Variants in TMPRSS3 observed in about 807,000 individuals in gnomAD.
The protein encoded by TMPRSS3 is transmembrane serine protease 3.
TMPRSS3 carries 55 observed loss-of-function variants against 59.6 expected under a neutral mutation model. That is an observed-to-expected ratio of 0.92 (90% CI 0.74 to 1.16). TMPRSS3 has a LOEUF of 1.16. Ranked by LOEUF, TMPRSS3 falls within the 50% of genes most tolerant of loss-of-function variation. The probability of loss-of-function intolerance (pLI) is 0.00; values close to 1 mark genes in which losing one functional copy is unlikely to be tolerated. For missense variants in TMPRSS3, 596 were observed against 579.4 expected (o/e 1.03, Z -0.29); for synonymous variants, 257 against 237.7 (o/e 1.08, Z -0.75).
In TMPRSS3 at chr21:42,388,506, C is replaced by CAT; in HGVS notation, c.341_342dup (p.Ala115MetfsTer38). ...GCAGCTGTGAACACCTGGAGCACGG[C>CAT]ATTCTGACCACCCACCCGGACTGGC... On this transcript the variant is annotated frameshift_variant, in exon 5 of 13. Transcript: ENST00000644384. LOFTEE classifies it high-confidence loss of function. This position sits in a 1 kb window ranked among gnomAD's most constrained non-coding sequence, Gnocchi z 5.1. 1 of 1,614,210 alleles carries CAT rather than the reference C, an allele frequency of 6.2e-7. No homozygotes were observed. Among genetic ancestry groups the CAT allele is most frequent in the Non-Finnish European group, 8.5e-7 (1 of 1,180,048 alleles).
chr21:42,388,793 C>T lies in TMPRSS3; in HGVS notation c.322+136G>A. On this transcript the variant is annotated intron_variant, in intron 4 of 12. Transcript: ENST00000644384. This position sits in a 1 kb window ranked among gnomAD's most constrained non-coding sequence, Gnocchi z 5.1. ...CCCCCCAGCCCAACATGTCTTTGGG[C>T]AAACGCCAGTTCAATCCCAGCTGAA... The T allele has an allele frequency of 6.2e-6, 6 of 968,138 alleles. No homozygotes were observed. In the South Asian group the frequency reaches 8.0e-5, roughly 13 times the overall value. 60.0% of individuals were successfully genotyped at this position (968,138 alleles called of 1,614,324 possible). A position where few individuals can be genotyped will look rare whatever the true frequency, so the allele number is the denominator to read the frequency against.
At chr21:42,380,751 G>A (rs1023667438) in intron 9 of TMPRSS3, among the ~76,000 whole-genome samples, 1 of 152,250 alleles carries the variant, frequency 6.6e-6, no homozygotes, top group Non-Finnish European at 1.5e-5. Flanking sequence ...TTGCCTGTGT[G>A]TAGGGCTGGA....
chr21:42,385,957 C>G (rs2052628236), intron 5 of TMPRSS3, among the ~76,000 whole-genome samples: 1 of 152,098 alleles, frequency 6.6e-6, no homozygotes. Flanking sequence ...ACCAAGTTCT[C>G]CAAGAACAGT....
intron 10 of TMPRSS3, among the ~76,000 whole-genome samples, chr21:42,378,425 A>G (rs529157757): frequency 6.6e-6 from 1 of 152,336 alleles, no homozygotes; most frequent in Non-Finnish European, 1.5e-5. Context: ...TGCAGATGTA[A>G]TTAAGGTAAG....
chr21:42,376,615 C>G lies in TMPRSS3; in HGVS notation c.1117G>C (p.Asp373His). 1.2e-6 allele frequency: 2 copies of G among 1,614,088 alleles called. No homozygotes were observed. Among genetic ancestry groups the G allele is most frequent in the Non-Finnish European group, 1.7e-6 (2 of 1,180,042 alleles). Residue 373 changes from aspartate (D) to histidine (H), a missense_variant, in exon 11 of 13, where the codon GAC becomes CAC. Physicochemically the swap from Asp to His is moderately conservative, Grantham distance 81. Coordinates refer to ENST00000644384, the MANE Select transcript of TMPRSS3 (RefSeq NM_001256317.3). ...GGGGAGATGATGCCACCGTACACGT[C>G]CCTGTGGTTGCAGATCTTGTTGGAA... is the stretch of plus-strand genomic sequence containing the variant. Reference protein sequence around the residue: ...LISNKICNHRDVYGGIISPSM... With the variant: ...LISNKICNHRHVYGGIISPSM...
intron 8 of TMPRSS3, 143 bp downstream of exon 8, chr21:42,382,890 G>A (rs1455519091): frequency 7.0e-6 from 7 of 1,004,258 alleles, no homozygotes; most frequent in East Asian, 2.6e-5. Flanking sequence ...AGTGAGGCTG[G>A]AGACTCCTCT....
intron 10 of TMPRSS3, among the ~76,000 whole-genome samples, chr21:42,379,115 A>G (rs2052477321): frequency 6.6e-6 from 1 of 151,220 alleles, no homozygotes; most frequent in African/African-American, 2.4e-5. Context: ...AAACTCCTGA[A>G]CCTCAAATGG....
chr21:42,394,946 T>A lies in TMPRSS3; in HGVS notation c.94+378A>T, dbSNP rs78584455. Among the ~76,000 whole-genome samples, 1,335 of 152,346 alleles carry A rather than the reference T, an allele frequency of 8.8e-3. 8 individuals carry two copies. The highest frequency in any genetic ancestry group is 0.013 in the Non-Finnish European group (901 of 68,028). On this transcript the variant is annotated intron_variant, in intron 2 of 12. Coordinates refer to ENST00000644384, the MANE Select transcript of TMPRSS3 (RefSeq NM_001256317.3). Reference sequence around the variant, plus strand: ...TAGGCCTCTAATATCTTTGGCGACATCCAGTTTATCCTGAGTTTTCGGAGG... The same window carrying A: ...TAGGCCTCTAATATCTTTGGCGACAACCAGTTTATCCTGAGTTTTCGGAGG...
intron 12 of TMPRSS3, among the ~76,000 whole-genome samples, chr21:42,375,359 C>T (rs538257441): frequency 4.1e-4 from 62 of 151,056 alleles, no homozygotes; most frequent in Admixed American, 7.3e-4. Context: ...TCTCAGCCCC[C>T]CGCCCCCTCC....
chr21:42,387,063 G>A (rs1330700386), intron 5 of TMPRSS3, among the ~76,000 whole-genome samples: 1 of 149,730 alleles, frequency 6.7e-6, no homozygotes, highest in African/African-American at 2.5e-5. Flanking sequence ...TACCAAACGG[G>A]CTGGGGTGGA....
Position 42,388,280 on chromosome 21 carries a change from A to G in TMPRSS3, c.446+123T>C, listed in dbSNP as rs2052668192. 3 of 1,322,302 alleles carry G rather than the reference A, an allele frequency of 2.3e-6. No individual in the cohort carries two copies. The South Asian group carries it at 3.6e-5, about 16-fold the overall frequency. The allele number at this position is 1,322,302 out of a possible 1,614,324, so 81.9% of individuals were successfully genotyped here. A position where few individuals can be genotyped will look rare whatever the true frequency, so the allele number is the denominator to read the frequency against. On this transcript the variant is annotated intron_variant, in intron 5 of 12. Coordinates refer to ENST00000644384, the MANE Select transcript of TMPRSS3 (RefSeq NM_001256317.3). The surrounding 1 kb of genome is among the most constrained non-coding windows in gnomAD (Gnocchi z 5.1). ...GATGATATCGGGCATCCTAAGGTGG[A>G]TGTGAGGATGTAATCTGAGAGCGTT...
chr21:42,391,467 C>T (rs558644531), intron 2 of TMPRSS3, among the ~76,000 whole-genome samples: 3 of 152,146 alleles, frequency 2.0e-5, no homozygotes, highest in East Asian at 1.9e-4. Flanking sequence ...ATACAGATAG[C>T]GTCTCCCTCC....
intron 6 of TMPRSS3, 45 bp downstream of exon 6, chr21:42,385,364 G>A (rs762261353): frequency 5.2e-5 from 84 of 1,612,352 alleles, no homozygotes; most frequent in Non-Finnish European, 1.3e-5. Flanking sequence ...AATCCAGCAG[G>A]TGACTCGATA....
In TMPRSS3 at chr21:42,383,771, C is replaced by G. The variant is rs539087866; in HGVS notation, c.616+199G>C. ...GCTAATGAGTTGCTCTGGCTGTCTC[C>G]CCCACCTGACAGGTGAGGCCGACAG... On this transcript the variant is annotated intron_variant, in intron 7 of 12. Transcript: ENST00000644384. 1.8e-3 allele frequency: 1,307 copies of G among 719,760 alleles called. 4 individuals are homozygous for G. The highest frequency in any genetic ancestry group is 2.4e-3 in the Non-Finnish European group (948 of 388,584). 44.6% of individuals were successfully genotyped at this position (719,760 alleles called of 1,614,324 possible).
At chr21:42,376,471 C>T (rs889450727) in intron 11 of TMPRSS3, 70 bp downstream of exon 11, 15 of 1,602,924 alleles carry the variant, frequency 9.4e-6, no homozygotes, top group Middle Eastern at 2.1e-4. Context: ...CACAGGGAAA[C>T]GCTGGCAACG....
intron 2 of TMPRSS3, 47 bp from the exon 3 acceptor site, chr21:42,390,084 G>A: frequency 7.3e-7 from 1 of 1,373,544 alleles, no homozygotes; most frequent in Non-Finnish European, 1.0e-6. Context: ...AACCTGACTT[G>A]GAGTGCCATG....
At position 42,383,937 on chromosome 21, in the gene TMPRSS3, C is replaced by A. The variant is rs767190292; in HGVS notation, c.616+33G>T. On this transcript the variant is annotated intron_variant, in intron 7 of 12. Coordinates refer to ENST00000644384, the MANE Select transcript of TMPRSS3 (RefSeq NM_001256317.3). ...AGATAGGACTTAGCATGTGCTTGCT[C>A]CCCCTGGACCCCTGCCTTTCTGGAA... 4.0e-5 allele frequency: 65 copies of A among 1,612,730 alleles called. 1 individual carries two copies. In the East Asian group the frequency reaches 5.3e-4, roughly 13 times the overall value.
chr21:42,388,798 G>T lies in TMPRSS3; in HGVS notation c.322+131C>A. 1 of 984,828 alleles carries T rather than the reference G, an allele frequency of 1.0e-6. No homozygotes were observed. Among genetic ancestry groups the T allele is most frequent in the Non-Finnish European group, 1.6e-6 (1 of 623,564 alleles). The allele number at this position is 984,828 out of a possible 1,614,324, so 61.0% of individuals were successfully genotyped here. On this transcript the variant is annotated intron_variant, in intron 4 of 12. Transcript: ENST00000644384. The surrounding 1 kb of genome is among the most constrained non-coding windows in gnomAD (Gnocchi z 5.1). Reference sequence around the variant, plus strand: ...CAGCCCAACATGTCTTTGGGCAAACGCCAGTTCAATCCCAGCTGAAGACAT... The same window carrying T: ...CAGCCCAACATGTCTTTGGGCAAACTCCAGTTCAATCCCAGCTGAAGACAT...
intron 9 of TMPRSS3, chr21:42,381,757 G>A: frequency 2.0e-6 from 1 of 503,674 alleles, no homozygotes; most frequent in Non-Finnish European, 3.6e-6. Context: ...CTGTAGGCCA[G>A]GATCTACAAA....
Sources: gnomAD v4.1 joint callset for allele counts (sites outside exome capture counted in the v4.1 genomes callset) on GRCh38, gnomAD v4.1.1 for gene constraint, Gnocchi (gnomAD v3.1) non-coding constraint, MANE v1.5 for transcripts, NCBI Gene and HGNC (gene_info 2026-07-23, HGNC 2026-07-21) for gene names.